The following LAMA2 variants were observed in gnomAD, a reference collection of about 807,000 sequenced individuals.
The protein encoded by LAMA2 is laminin subunit alpha 2.
In LAMA2, 269 loss-of-function variants were observed where a neutral mutation model predicts 364.8. That is an observed-to-expected ratio of 0.74 (90% CI 0.67 to 0.82). LAMA2 has a LOEUF of 0.82. Among genes scored for constraint, LAMA2 ranks in the 40% least tolerant of loss-of-function variants. The pLI is 0.00. For synonymous variants in LAMA2, 1,379 were observed against 1,370.6 expected (o/e 1.01, Z -0.14); for missense variants, 3,807 against 3,873.2 (o/e 0.98, Z 0.45).
intron 4 of LAMA2, among the ~76,000 whole-genome samples, chr6:129,115,350 C>A (rs1452186384): frequency 6.6e-6 from 1 of 152,038 alleles, no homozygotes; most frequent in East Asian, 1.9e-4. Context: ...TTCAGCTTGA[C>A]TTTCTTTTGC....
intron 1 of LAMA2, among the ~76,000 whole-genome samples, chr6:129,035,132 C>T (rs1786526343): frequency 1.3e-5 from 2 of 152,102 alleles, no homozygotes; most frequent in South Asian, 2.1e-4. Flanking sequence ...TTCTCTGCAA[C>T]CTCACCGATA....
chr6:129,507,538 C>T lies in LAMA2; in HGVS notation c.8753C>T (p.Ala2918Val). ...GTCAGGAATCTCCACATGGCAGAGGCCCCTGCCGATCTGGAACAACCCACC... is the reference window on the plus strand; with the variant it reads ...GTCAGGAATCTCCACATGGCAGAGGTCCCTGCCGATCTGGAACAACCCACC... ...GCVRNLHMAEAPADLEQPTSS... is the reference protein window; with the variant it reads ...GCVRNLHMAEVPADLEQPTSS... The change falls in exon 62 of 65, where the codon GCC (alanine) becomes GTC (valine). Residue 2918 changes from alanine (A) to valine (V), a missense_variant. This residue lies in a region of LAMA2 where 3,333 missense variants were observed against 3,345.7 expected (regional missense o/e 1.00). Transcript: ENST00000421865. 6.2e-7 allele frequency: 1 copy of T among 1,614,096 alleles called. No individual in the cohort carries two copies. The highest frequency in any genetic ancestry group is 1.1e-5 in the South Asian group (1 of 91,088).
intron 32 of LAMA2, among the ~76,000 whole-genome samples, chr6:129,360,922 T>C (rs1777422934): frequency 6.6e-6 from 1 of 152,178 alleles, no homozygotes; most frequent in South Asian, 2.1e-4. Context: ...AAACGATAGG[T>C]ACTTTCCTTG....
rs57180629 is a variant in LAMA2 at position 128,997,357 on chromosome 6, CGAAA to C, written c.113-52550_113-52547del. Among the ~76,000 whole-genome samples, 7 of 143,492 alleles carry C rather than the reference CGAAA, an allele frequency of 4.9e-5. No homozygotes were observed. The Admixed American group carries it at 5.0e-4, about 10-fold the overall frequency. 94.1% of individuals were successfully genotyped at this position (143,492 alleles called of 152,430 possible). A position where few individuals can be genotyped will look rare whatever the true frequency, so the allele number is the denominator to read the frequency against. ...GAAAGAGAAAGAAAGAAAGAAAGAA[CGAAA>C]GAAAGAAAGAGAGAGAGAGAAAGGA... On this transcript the variant is annotated intron_variant, in intron 1 of 64. Coordinates refer to ENST00000421865, the MANE Select transcript of LAMA2 (RefSeq NM_000426.4).
chr6:129,424,949 G>A (rs1781253980), intron 40 of LAMA2, among the ~76,000 whole-genome samples: 1 of 151,818 alleles, frequency 6.6e-6, no homozygotes, highest in Non-Finnish European at 1.5e-5. Flanking sequence ...CCAATAAAAA[G>A]GATCAAATAT....
chr6:129,089,680 T>C (rs954005240), intron 3 of LAMA2, among the ~76,000 whole-genome samples: 1 of 152,184 alleles, frequency 6.6e-6, no homozygotes, highest in African/African-American at 2.4e-5. Flanking sequence ...GAGAAGAGAA[T>C]AGATGTCAAG....
chr6:129,017,898 C>G (rs1479056448), intron 1 of LAMA2, among the ~76,000 whole-genome samples: 1 of 151,666 alleles, frequency 6.6e-6, no homozygotes, highest in Non-Finnish European at 1.5e-5. Context: ...TAAATAATAA[C>G]AAATGAAGTT....
At position 129,506,926 on chromosome 6, in the gene LAMA2, G is replaced by C. The variant is rs145347362; in HGVS notation, c.8704-563G>C. On this transcript the variant is annotated intron_variant, in intron 61 of 64. Transcript: ENST00000421865. ...AACAGATAAAATATAATGGACCAGA[G>C]TGTGATTGAGTTACTTCTAAATTCC... Among the ~76,000 whole-genome samples, 1,008 of 152,202 alleles carry C rather than the reference G, an allele frequency of 6.6e-3. 10 individuals are homozygous for C. The highest frequency in any genetic ancestry group is 5.2e-3 in the Non-Finnish European group (353 of 68,020).
At chr6:129,300,945 A>G in intron 22 of LAMA2, 73 bp downstream of exon 22, 2 of 1,322,066 alleles carry the variant, frequency 1.5e-6, no homozygotes, top group Admixed American at 3.4e-5. Flanking sequence ...GTAATTGGGC[A>G]TTTCAAAATT....
At chr6:129,248,763 T>G (rs1252223787) in intron 12 of LAMA2, among the ~76,000 whole-genome samples, 1 of 152,210 alleles carries the variant, frequency 6.6e-6, no homozygotes, top group African/African-American at 2.4e-5. Context: ...TAGAATCCTT[T>G]TATTGAGAAA....
intron 15 of LAMA2, among the ~76,000 whole-genome samples, chr6:129,266,734 A>G (rs1787542558): frequency 6.6e-6 from 1 of 152,128 alleles, no homozygotes; most frequent in Non-Finnish European, 1.5e-5. Context: ...CTAAGACTAT[A>G]TGATGAGTCC....
At chr6:129,370,124 A>T in intron 34 of LAMA2, 134 bp downstream of exon 34, 1 of 760,258 alleles carries the variant, frequency 1.3e-6, no homozygotes, top group East Asian at 2.7e-5. Flanking sequence ...ATGTATTCTG[A>T]CTTGCTAATT....
chr6:129,095,784 C>T (rs972328046), intron 3 of LAMA2, among the ~76,000 whole-genome samples: 9 of 151,030 alleles, frequency 6.0e-5, no homozygotes, highest in East Asian at 1.9e-4. Flanking sequence ...ATTAGCCAGG[C>T]GCAGTGGCAC....
At chr6:129,372,753 G>C (rs1289701815) in intron 34 of LAMA2, among the ~76,000 whole-genome samples, 1 of 152,150 alleles carries the variant, frequency 6.6e-6, no homozygotes, top group Non-Finnish European at 1.5e-5. Flanking sequence ...TTTCTATTTT[G>C]CATTCCCACC....
intron 45 of LAMA2, among the ~76,000 whole-genome samples, chr6:129,452,641 T>A (rs907165715): frequency 6.6e-6 from 1 of 152,176 alleles, no homozygotes; most frequent in African/African-American, 2.4e-5. Context: ...TTAATGAAGG[T>A]CATTCTCATT....
intron 12 of LAMA2, among the ~76,000 whole-genome samples, chr6:129,230,117 C>T (rs1274064013): frequency 2.0e-5 from 3 of 152,056 alleles, no homozygotes; most frequent in Non-Finnish European, 4.4e-5. Context: ...GGCCCTATAG[C>T]ACCCCAACAT....
chr6:129,115,368 A>G lies in LAMA2; in HGVS notation c.639+16953A>G, dbSNP rs371910653. ...AGCTTGACTTTCTTTTGCCTCGGGT[A>G]TTCTGGATTATCATTTTGTAGCATC... On this transcript the variant is annotated intron_variant, in intron 4 of 64. Transcript: ENST00000421865. Among the ~76,000 whole-genome samples, 24 of 152,168 alleles carry G rather than the reference A, an allele frequency of 1.6e-4. No homozygotes were observed. The South Asian group carries it at 4.6e-3, about 29-fold the overall frequency.
At chr6:128,923,190 G>A (rs962498668) in intron 1 of LAMA2, among the ~76,000 whole-genome samples, 27 of 148,288 alleles carry the variant, frequency 1.8e-4, no homozygotes, top group Admixed American at 1.1e-3. Flanking sequence ...TTGGCGATGC[G>A]GGCTCTTTTT....
chr6:129,348,565 A>G (rs1349408642), intron 30 of LAMA2, among the ~76,000 whole-genome samples: 1 of 151,288 alleles, frequency 6.6e-6, no homozygotes, highest in East Asian at 1.9e-4. Context: ...TTTTTTTTTA[A>G]TGGAATAAGA....
Sources: allele counts gnomAD v4.1 joint callset (sites outside exome capture counted in the v4.1 genomes callset), GRCh38; gene constraint gnomAD v4.1.1; regional missense constraint gnomAD v4.1.1; transcripts MANE v1.5; gene names NCBI Gene and HGNC (gene_info 2026-07-23, HGNC 2026-07-21).